Variants in FOXK2 observed in about 807,000 individuals in gnomAD.
The protein encoded by FOXK2 is forkhead box K2.
In FOXK2, 24 loss-of-function variants were observed where a neutral mutation model predicts 53.3. The ratio of observed to expected loss-of-function variants is 0.45; its 90% confidence interval spans 0.33 to 0.63. The LOEUF (loss-of-function observed/expected upper bound fraction) is 0.63, where lower values mean the gene tolerates loss of function less well. Among genes scored for constraint, FOXK2 ranks in the 30% least tolerant of loss-of-function variants. FOXK2 has a pLI of 0.03. For synonymous variants in FOXK2, 505 were observed against 407.1 expected, an observed-to-expected ratio of 1.24 and a Z score of -2.89; for missense variants, 952 against 910.5, an observed-to-expected ratio of 1.05 and a Z score of -0.59.
chr17:82,585,469 C>T (rs567463023), intron 6 of FOXK2, among the ~76,000 whole-genome samples: 309 of 152,262 alleles, frequency 2.0e-3, no homozygotes, highest in Non-Finnish European at 3.5e-3. Flanking sequence ...GGGCTGTAGG[C>T]GCACAGTAAC....
chr17:82,530,280 C>G (rs530685270), intron 1 of FOXK2, among the ~76,000 whole-genome samples: 1 of 151,934 alleles, frequency 6.6e-6, no homozygotes, highest in Admixed American at 6.6e-5. Flanking sequence ...CTCCTGAGAT[C>G]GGGAGTTCGA....
At chr17:82,583,420 G>A (rs1049583795) in intron 5 of FOXK2, among the ~76,000 whole-genome samples, 1 of 152,178 alleles carries the variant, frequency 6.6e-6, no homozygotes, top group African/African-American at 2.4e-5. Context: ...GGTGGCGCGC[G>A]CCTGTAATCC....
In FOXK2 at chr17:82,532,007, A is replaced by ATTATT. The variant is rs562578126; in HGVS notation, c.419+11719_419+11723dup. Among the ~76,000 whole-genome samples the ATTATT allele has an allele frequency of 1.6e-4, 24 of 151,178 alleles. No homozygotes were observed. In the East Asian group the frequency reaches 2.1e-3, roughly 14 times the overall value. On this transcript the variant is annotated intron_variant, in intron 1 of 8. Coordinates refer to ENST00000335255, the MANE Select transcript of FOXK2 (RefSeq NM_004514.4). ...AGGCTCACGCCGCCACGCCCGGCTA[A>ATTATT]TTATTTTATTTTATTTTATTTTAGT... is the stretch of plus-strand genomic sequence containing the variant.
rs1227027190 is a variant in FOXK2, at chr17:82,575,818, T to C, written c.909+3948T>C. Among the ~76,000 whole-genome samples the C allele has an allele frequency of 2.6e-5, 4 of 152,134 alleles. No individual in the cohort carries two copies. The South Asian group carries it at 6.2e-4, about 24-fold the overall frequency. On this transcript the variant is annotated intron_variant, in intron 4 of 8. Coordinates refer to ENST00000335255, the MANE Select transcript of FOXK2 (RefSeq NM_004514.4). ...AGGCTGAAGTACTGAAACTGACCCATGTGAAGAAGAGATAAAGAGATGCAG... is the reference window on the plus strand; with the variant it reads ...AGGCTGAAGTACTGAAACTGACCCACGTGAAGAAGAGATAAAGAGATGCAG...
At chr17:82,561,417 A>G (rs2044792150) in intron 1 of FOXK2, among the ~76,000 whole-genome samples, 1 of 152,072 alleles carries the variant, frequency 6.6e-6, no homozygotes, top group Non-Finnish European at 1.5e-5. Context: ...GAGTGAGGGT[A>G]GAGGGAGAAA....
At chr17:82,599,851 G>A (rs1371251750) in intron 8 of FOXK2, 1 of 152,356 alleles carries the variant, frequency 6.6e-6, no homozygotes, top group Non-Finnish European at 1.5e-5. Context: ...TTGACGGACA[G>A]GTGGGCAAGT....
chr17:82,560,110 A>G (rs950338681), intron 1 of FOXK2, among the ~76,000 whole-genome samples: 2 of 147,120 alleles, frequency 1.4e-5, no homozygotes, highest in Non-Finnish European at 3.0e-5. Context: ...GGTTCAAGAG[A>G]TTCTCCTGCC....
chr17:82,587,938 T>C (rs1280319842), intron 8 of FOXK2, among the ~76,000 whole-genome samples: 5 of 152,112 alleles, frequency 3.3e-5, no homozygotes. Context: ...GCTTGCGGGA[T>C]CTCAAGCAGG....
intron 1 of FOXK2, among the ~76,000 whole-genome samples, chr17:82,561,592 C>G (rs776571562): frequency 6.6e-6 from 1 of 152,080 alleles, no homozygotes; most frequent in Non-Finnish European, 1.5e-5. Flanking sequence ...ACACCAAGAC[C>G]GTGGGGAGGA....
At chr17:82,556,442 TAAA>T (rs5822538) in intron 1 of FOXK2, among the ~76,000 whole-genome samples, 1 of 142,776 alleles carries the variant, frequency 7.0e-6, no homozygotes. Context: ...AGACTCCGTC[TAAA>T]AAAAAAAAAA....
chr17:82,551,302 G>A (rs1382536222), intron 1 of FOXK2, among the ~76,000 whole-genome samples: 1 of 145,906 alleles, frequency 6.9e-6, no homozygotes, highest in Non-Finnish European at 1.5e-5. Context: ...GGGCGATAGA[G>A]CGAGACTCCA....
intron 1 of FOXK2, among the ~76,000 whole-genome samples, chr17:82,533,644 G>A (rs1232442493): frequency 6.6e-6 from 1 of 152,182 alleles, no homozygotes; most frequent in Non-Finnish European, 1.5e-5. Context: ...AGACTCATGA[G>A]TAATTCATTG....
In FOXK2 at chr17:82,532,436, G is replaced by A. The variant is rs566859898; in HGVS notation, c.419+12129G>A. ...TGGGATTACAGGCGTGAGCCACTGC[G>A]CCTGGCCTAAATGTATTTAAAAAGA... On this transcript the variant is annotated intron_variant, in intron 1 of 8. Coordinates refer to ENST00000335255, the MANE Select transcript of FOXK2 (RefSeq NM_004514.4). 1.5e-3 allele frequency among the ~76,000 whole-genome samples: 228 copies of A among 152,136 alleles called. 1 individual carries two copies. The highest frequency in any genetic ancestry group is 2.7e-3 in the Non-Finnish European group (186 of 68,000).
chr17:82,561,025 A>G (rs12946535), intron 1 of FOXK2, among the ~76,000 whole-genome samples: 1 of 152,196 alleles, frequency 6.6e-6, no homozygotes, highest in South Asian at 2.1e-4. Context: ...TGCTAGGATT[A>G]CAGATGTGAG....
At chr17:82,545,837 C>T (rs979097700) in intron 1 of FOXK2, among the ~76,000 whole-genome samples, 2 of 152,072 alleles carry the variant, frequency 1.3e-5, no homozygotes, top group Non-Finnish European at 2.9e-5. Context: ...TTGCCTTGGC[C>T]TCCCAAAGTG....
At chr17:82,523,491 A>G (rs995336699) in intron 1 of FOXK2, among the ~76,000 whole-genome samples, 1 of 148,854 alleles carries the variant, frequency 6.7e-6, no homozygotes, top group African/African-American at 2.5e-5. Context: ...TTTTTTTAAG[A>G]CAGAGTTTTT....
intron 8 of FOXK2, among the ~76,000 whole-genome samples, chr17:82,597,799 C>T (rs953115282): frequency 6.6e-6 from 1 of 152,024 alleles, no homozygotes; most frequent in East Asian, 1.9e-4. Flanking sequence ...TACAGGTGCC[C>T]GCCACCACAC....
At chr17:82,535,748 G>GGT (rs2044514085) in intron 1 of FOXK2, among the ~76,000 whole-genome samples, 1 of 140,108 alleles carries the variant, frequency 7.1e-6, no homozygotes, top group African/African-American at 2.6e-5. Context: ...GTGTGTTTTT[G>GGT]TTTTTGTTTT....
At chr17:82,594,888 A>G (rs915328390) in intron 8 of FOXK2, among the ~76,000 whole-genome samples, 3 of 152,206 alleles carry the variant, frequency 2.0e-5, no homozygotes, top group African/African-American at 7.2e-5. Context: ...TCTACAAAAA[A>G]TCACAAAAGT....
Sources: allele counts gnomAD v4.1 joint callset (sites outside exome capture counted in the v4.1 genomes callset), GRCh38; gene constraint gnomAD v4.1.1; transcripts MANE v1.5; gene names NCBI Gene and HGNC (gene_info 2026-07-23, HGNC 2026-07-21).